Variants in STK31 observed in about 807,000 individuals in gnomAD.
STK31 encodes the protein serine/threonine kinase 31, also known as serine/threonine-protein kinase 31.
Under a neutral mutation model 129.7 loss-of-function variants are expected in STK31, and 89 were observed. That is an observed-to-expected ratio of 0.69 (90% CI 0.58 to 0.82). The LOEUF is 0.82. Ranked by LOEUF, STK31 falls within the 40% of genes least tolerant of loss-of-function variation. The pLI, the probability that STK31 is intolerant of heterozygous loss-of-function variation, is 0.00. For missense variants in STK31, 1,187 were observed against 1,176.4 expected (o/e 1.01, Z -0.13); for synonymous variants, 448 against 395.3 (o/e 1.13, Z -1.58).
chr7:23,817,524 G>A (rs1793547028), intron 23 of STK31, among the ~76,000 whole-genome samples: 1 of 152,186 alleles, frequency 6.6e-6, no homozygotes, highest in Non-Finnish European at 1.5e-5. Context: ...ACACATAGCT[G>A]CAAAACAAGT....
intron 22 of STK31, among the ~76,000 whole-genome samples, chr7:23,807,506 G>C (rs1252596949): frequency 6.6e-6 from 1 of 152,032 alleles, no homozygotes; most frequent in Non-Finnish European, 1.5e-5. Flanking sequence ...GTTTATTATG[G>C]TATGTAGTGG....
intron 22 of STK31, among the ~76,000 whole-genome samples, chr7:23,802,366 G>C (rs376267756): frequency 5.3e-5 from 8 of 152,170 alleles, no homozygotes; most frequent in Non-Finnish European, 5.9e-5. Context: ...CAGATGGTTC[G>C]TAATTGGGGT....
chr7:23,810,286 G>T (rs1046981874), intron 22 of STK31, among the ~76,000 whole-genome samples: 1 of 151,766 alleles, frequency 6.6e-6, no homozygotes, highest in African/African-American at 2.4e-5. Flanking sequence ...TACCTACATT[G>T]TTGAATTTGG....
chr7:23,764,881 A>C (rs1302951608), intron 11 of STK31, among the ~76,000 whole-genome samples: 1 of 152,114 alleles, frequency 6.6e-6, no homozygotes, highest in Non-Finnish European at 1.5e-5. Context: ...TCCAAACCTA[A>C]ACTAAAAGTC....
In STK31 at chr7:23,795,169, G is replaced by A. The variant is rs145161778; in HGVS notation, c.2760+4223G>A. Among the ~76,000 whole-genome samples, 638 of 152,320 alleles carry A rather than the reference G, an allele frequency of 4.2e-3. 7 individuals carry two copies. Among genetic ancestry groups the A allele is most frequent in the African/African-American group, 0.015 (618 of 41,578 alleles). On this transcript the variant is annotated intron_variant, in intron 22 of 23. Coordinates refer to ENST00000355870, the MANE Select transcript of STK31 (RefSeq NM_031414.5). ...CACAGAGGCCTAGGAGGAAAAAATGGTTTCATGGGCTGGGCCCACGGTCCC... is the reference window on the plus strand; with the variant it reads ...CACAGAGGCCTAGGAGGAAAAAATGATTTCATGGGCTGGGCCCACGGTCCC...
chr7:23,810,876 T>C (rs1793085761), intron 22 of STK31, among the ~76,000 whole-genome samples: 1 of 141,162 alleles, frequency 7.1e-6, no homozygotes, highest in African/African-American at 2.6e-5. Flanking sequence ...TATATATAAA[T>C]ATGTATAATA....
At chr7:23,717,363 G>GTTGAT in intron 3 of STK31, 118 bp from the exon 4 acceptor site, 1 of 570,362 alleles carries the variant, frequency 1.8e-6, no homozygotes, top group Non-Finnish European at 2.9e-6. Flanking sequence ...GGCATAAGAA[G>GTTGAT]TTGATTTAAT....
chr7:23,733,599 G>A (rs1186840750), intron 6 of STK31, among the ~76,000 whole-genome samples: 1 of 151,916 alleles, frequency 6.6e-6, no homozygotes, highest in Non-Finnish European at 1.5e-5. Context: ...ACGAGGTCAG[G>A]AGATCGAGAC....
intron 10 of STK31, among the ~76,000 whole-genome samples, chr7:23,758,100 A>T (rs1013699528): frequency 4.6e-5 from 7 of 152,236 alleles, no homozygotes; most frequent in Admixed American, 2.6e-4. Flanking sequence ...TTCTTAATAC[A>T]GAACAAAATG....
At chr7:23,735,398 A>G (rs1787657798) in intron 6 of STK31, 140 bp from the exon 7 acceptor site, 2 of 699,164 alleles carry the variant, frequency 2.9e-6, no homozygotes, top group South Asian at 2.2e-5. Flanking sequence ...GGAGATGCAT[A>G]TTTGCATATT....
intron 3 of STK31, among the ~76,000 whole-genome samples, chr7:23,712,509 G>GGA (rs1217924916): frequency 6.6e-6 from 1 of 152,026 alleles, no homozygotes; most frequent in Non-Finnish European, 1.5e-5. Context: ...CACCAAGTTT[G>GGA]AAAAAAGAAA....
chr7:23,736,887 T>A lies in STK31; in HGVS notation c.843-17T>A. 2 of 1,585,756 alleles carry A rather than the reference T, an allele frequency of 1.3e-6. No individual in the cohort carries two copies. The highest frequency in any genetic ancestry group is 2.3e-5 in the South Asian group (2 of 85,370). On this transcript the variant is annotated splice_polypyrimidine_tract_variant and intron_variant, in intron 7 of 23. Transcript: ENST00000355870. Reference sequence around the variant, plus strand: ...TATACAGTTTGTTTGTCAAAATAAATGAATTTGTTTTTATAGGGAAAGTTT... The same window carrying A: ...TATACAGTTTGTTTGTCAAAATAAAAGAATTTGTTTTTATAGGGAAAGTTT...
rs766492565 is a variant in STK31 at position 23,717,537 on chromosome 7, C to T, written c.207C>T (p.Cys69=). Reference sequence around the variant, plus strand: ...TTGGTTGCTCACTGTCTGAAGTTTGCCCCCAGGCCAGTTCAGTTTTGGGGA... The same window carrying T: ...TTGGTTGCTCACTGTCTGAAGTTTGTCCCCAGGCCAGTTCAGTTTTGGGGA... ...MKIGCSLSEV[C]PQASSVLGNL... Residue 69 remains cysteine (C), a synonymous_variant, in exon 4 of 24, where the codon TGC becomes TGT. Coordinates refer to ENST00000355870, the MANE Select transcript of STK31 (RefSeq NM_031414.5). 88 of 1,612,690 alleles carry T rather than the reference C, an allele frequency of 5.5e-5. No individual in the cohort carries two copies. In the Admixed American group the frequency reaches 1.4e-3, roughly 26 times the overall value.
At chr7:23,771,471 C>T (rs1790189814) in intron 14 of STK31, 1 of 160,200 alleles carries the variant, frequency 6.2e-6, no homozygotes, top group Non-Finnish European at 1.4e-5. Flanking sequence ...ACTGGATGTG[C>T]ATCTGTATGT....
chr7:23,810,627 A>T (rs1793030143), intron 22 of STK31, among the ~76,000 whole-genome samples: 1 of 138,542 alleles, frequency 7.2e-6, no homozygotes, highest in South Asian at 2.1e-4. Flanking sequence ...TAATATATAT[A>T]ATAGATATAA....
intron 15 of STK31, among the ~76,000 whole-genome samples, chr7:23,775,277 G>C (rs1400080210): frequency 6.6e-6 from 1 of 152,082 alleles, no homozygotes; most frequent in Admixed American, 6.6e-5. Flanking sequence ...CTCCAGCTTT[G>C]TTCTTTTTGC....
rs575751195 is a variant in STK31 at position 23,813,215 on chromosome 7, G to A, written c.2761-1929G>A. ...TTATCCCATCCAGTTTTAAGATTTC[G>A]GTTATTGTACTTTGTAGTTCTGTAA... On this transcript the variant is annotated intron_variant, in intron 22 of 23. Coordinates refer to ENST00000355870, the MANE Select transcript of STK31 (RefSeq NM_031414.5). 4.7e-5 allele frequency among the ~76,000 whole-genome samples: 7 copies of A among 150,000 alleles called. No homozygotes were observed. In the South Asian group the frequency reaches 8.4e-4, roughly 18 times the overall value.
chr7:23,811,287 T>A (rs1351164656), intron 22 of STK31: 1 of 396,808 alleles, frequency 2.5e-6, no homozygotes, highest in African/African-American at 2.1e-5. Context: ...TTAGCAAGTA[T>A]GTGCTTGATT....
In STK31 at chr7:23,729,140, C is replaced by T. The variant is rs56268851; in HGVS notation, c.374C>T (p.Ser125Phe). Residue 125 changes from serine (S) to phenylalanine (F), a missense_variant, in exon 6 of 24, where the codon TCT (serine) becomes TTT (phenylalanine). Ser to Phe is a radical substitution (Grantham distance 155). This residue lies in a region of STK31 where 103 missense variants were observed against 110.4 expected (regional missense o/e 0.93). Transcript: ENST00000355870. ...DYGNTEILNR[S>F]DIVEIPLELQ... is the part of the protein sequence containing the mutation. ...GGAAATACTGAAATTCTAAATCGAT[C>T]TGATATAGTTGAAATTCCTTTGGAG... 1.8e-4 allele frequency: 288 copies of T among 1,611,382 alleles called. 5 individuals are homozygous for T. In the East Asian group the frequency reaches 5.7e-3, roughly 32 times the overall value.
Sources: gnomAD v4.1 joint callset for allele counts (sites outside exome capture counted in the v4.1 genomes callset) on GRCh38, gnomAD v4.1.1 for gene constraint, gnomAD v4.1.1 regional missense constraint, MANE v1.5 for transcripts, NCBI Gene and HGNC (gene_info 2026-07-23, HGNC 2026-07-21) for gene names.